CELF2: variants seen among roughly 807,000 people sequenced by gnomAD.
CELF2 encodes CUG triplet repeat RNA-binding protein 2.
In CELF2, 8 loss-of-function variants were observed where a neutral mutation model predicts 62.6. The observed-to-expected ratio is 0.13, with a 90% confidence interval of 0.07 to 0.23. The LOEUF (loss-of-function observed/expected upper bound fraction) is 0.23, where lower values mean the gene tolerates loss of function less well. CELF2 is among the 10% of genes least tolerant of loss of function. The pLI is 1.00. For missense variants in CELF2, 333 were observed against 671.0 expected, an observed-to-expected ratio of 0.50 and a Z score of 5.56; for synonymous variants, 258 against 250.0, an observed-to-expected ratio of 1.03 and a Z score of -0.30.
intron 1 of CELF2, among the ~76,000 whole-genome samples, chr10:11,040,699 T>C (rs1425465616): frequency 2.0e-5 from 3 of 152,096 alleles, no homozygotes; most frequent in African/African-American, 7.2e-5. Flanking sequence ...ATATCCCCAC[T>C]CATGGAAATG....
intron 1 of CELF2, among the ~76,000 whole-genome samples, chr10:11,132,817 A>G (rs2059818922): frequency 1.3e-5 from 2 of 152,228 alleles, no homozygotes; most frequent in South Asian, 4.1e-4. Context: ...GCCTTTGCTC[A>G]TGATGCACCC....
the CELF2 span, among the ~76,000 whole-genome samples, chr10:10,684,010 GA>G: frequency 8.6e-5 from 13 of 151,210 alleles, no homozygotes; most frequent in East Asian, 1.2e-3. Context: ...CCCACCCACA[GA>G]AAAAAAAATC....
intron 2 of CELF2, among the ~76,000 whole-genome samples, chr10:11,194,689 A>C (rs144250766): frequency 2.0e-5 from 3 of 152,200 alleles, no homozygotes; most frequent in Non-Finnish European, 4.4e-5. Flanking sequence ...ATATTCGGCT[A>C]TTTTACTGTG....
At chr10:11,094,773 C>G (rs573359813) in intron 1 of CELF2, among the ~76,000 whole-genome samples, 2 of 152,312 alleles carry the variant, frequency 1.3e-5, no homozygotes, top group South Asian at 2.1e-4. Context: ...ATGTCCCTGA[C>G]ATACAAAATA....
the CELF2 span, among the ~76,000 whole-genome samples, chr10:10,746,105 C>G: frequency 6.6e-6 from 1 of 152,214 alleles, no homozygotes. Context: ...GAATCTTAAC[C>G]ATTCATCTAA....
the CELF2 span, among the ~76,000 whole-genome samples, chr10:10,704,207 T>G: frequency 0.017 from 2,633 of 152,308 alleles, 40 homozygotes; most frequent in African/African-American, 0.042. Flanking sequence ...GACAGTACAC[T>G]GACTGATGTA....
the CELF2 span, among the ~76,000 whole-genome samples, chr10:10,588,898 C>T: frequency 6.6e-6 from 1 of 152,142 alleles, no homozygotes; most frequent in South Asian, 2.1e-4. Context: ...TTTAAACTCT[C>T]CTTGATGTTT....
At chr10:10,564,260 C>A in the CELF2 span, among the ~76,000 whole-genome samples, 1 of 152,094 alleles carries the variant, frequency 6.6e-6, no homozygotes, top group Non-Finnish European at 1.5e-5. Flanking sequence ...TGGCAATTAC[C>A]GCAACACATG....
the CELF2 span, among the ~76,000 whole-genome samples, chr10:10,592,013 C>T: frequency 6.6e-6 from 1 of 151,438 alleles, no homozygotes; most frequent in African/African-American, 2.4e-5. Context: ...GTCCCTGAGG[C>T]CAAAAGACAA....
chr10:10,709,164 T>C, the CELF2 span, among the ~76,000 whole-genome samples: 2 of 152,194 alleles, frequency 1.3e-5, no homozygotes, highest in African/African-American at 4.8e-5. Flanking sequence ...GCAAATGGAA[T>C]TAAAATAATG....
chr10:11,261,884 T>A (rs1222369629), intron 5 of CELF2, among the ~76,000 whole-genome samples: 6 of 152,198 alleles, frequency 3.9e-5, no homozygotes, highest in Admixed American at 3.9e-4. Context: ...CCAAATGTGC[T>A]TGATCGACAG....
intron 2 of CELF2, among the ~76,000 whole-genome samples, chr10:10,933,290 G>A (rs1440337182): frequency 6.6e-6 from 1 of 152,086 alleles, no homozygotes; most frequent in Non-Finnish European, 1.5e-5. Flanking sequence ...GTGACAGACT[G>A]AGACCATATA....
chr10:10,611,693 CAT>C, the CELF2 span, among the ~76,000 whole-genome samples: 1 of 152,152 alleles, frequency 6.6e-6, no homozygotes, highest in Non-Finnish European at 1.5e-5. Flanking sequence ...GAGGCAGAGA[CAT>C]ATGAGGCCTG....
chr10:10,907,494 A>G (rs933929560), intron 1 of CELF2, among the ~76,000 whole-genome samples: 1 of 152,252 alleles, frequency 6.6e-6, no homozygotes, highest in African/African-American at 2.4e-5. Context: ...ATTGCACTCA[A>G]TTGCAATATG....
chr10:10,575,156 T>C, the CELF2 span, among the ~76,000 whole-genome samples: 1 of 152,150 alleles, frequency 6.6e-6, no homozygotes, highest in African/African-American at 2.4e-5. Flanking sequence ...TTGATCACCA[T>C]TCTATACATA....
intron 1 of CELF2, among the ~76,000 whole-genome samples, chr10:11,134,347 AGTG>A (rs2060080526): frequency 6.6e-6 from 1 of 152,220 alleles, no homozygotes; most frequent in Admixed American, 6.5e-5. Flanking sequence ...CACAGTAAAA[AGTG>A]GTGGAGTTGC....
At chr10:10,742,589 CA>C in the CELF2 span, among the ~76,000 whole-genome samples, 10,944 of 127,942 alleles carry the variant, frequency 0.086, 416 homozygotes, top group African/African-American at 0.15. Flanking sequence ...GACTTTGTTG[CA>C]AAAAAAAAAA....
At chr10:11,050,575 T>C (rs1304063609) in intron 1 of CELF2, among the ~76,000 whole-genome samples, 1 of 152,220 alleles carries the variant, frequency 6.6e-6, no homozygotes, top group Non-Finnish European at 1.5e-5. Flanking sequence ...GCAGACACTT[T>C]CTGTGCATTC....
At chr10:11,222,081 T>G (rs1365773943) in intron 3 of CELF2, among the ~76,000 whole-genome samples, 1 of 152,160 alleles carries the variant, frequency 6.6e-6, no homozygotes, top group Non-Finnish European at 1.5e-5. Context: ...GTAGGCACCT[T>G]CCTCCCAAGC....
Sources: allele counts gnomAD v4.1 joint callset (sites outside exome capture counted in the v4.1 genomes callset), GRCh38; gene constraint gnomAD v4.1.1; transcripts MANE v1.5; gene names NCBI Gene and HGNC (gene_info 2026-07-23, HGNC 2026-07-21).